Variants in LINGO2 observed in about 807,000 individuals in gnomAD.
LINGO2 encodes the protein leucine rich repeat and Ig domain containing 2.
A neutral mutation model predicts 30.6 loss-of-function variants in LINGO2; 14 were observed. The observed-to-expected ratio is 0.46, with a 90% confidence interval of 0.30 to 0.72. LINGO2 has a LOEUF of 0.72. Ranked by LOEUF, LINGO2 falls within the 30% of genes least tolerant of loss-of-function variation. LINGO2 has a pLI of 0.07. For synonymous variants in LINGO2, 317 were observed against 288.5 expected, an observed-to-expected ratio of 1.10 and a Z score of -1.00; for missense variants, 729 against 751.7, an observed-to-expected ratio of 0.97 and a Z score of 0.35.
At chr9:27,949,085 G>T in exon 6 of LINGO2, 2 of 1,614,130 alleles carry the variant, frequency 1.2e-6, no homozygotes, top group Non-Finnish European at 1.7e-6. Context: ...TATTGGCATT[G>T]GTGCCATTGG....
chr9:28,579,437 T>C (rs1456974608), intron 1 of LINGO2, among the ~76,000 whole-genome samples: 2 of 152,180 alleles, frequency 1.3e-5, no homozygotes, highest in Non-Finnish European at 2.9e-5. Flanking sequence ...CTGTCTATTA[T>C]ACTAAACTGT....
At chr9:28,305,635 C>T (rs1235678653) in intron 3 of LINGO2, among the ~76,000 whole-genome samples, 1 of 151,840 alleles carries the variant, frequency 6.6e-6, no homozygotes, top group Non-Finnish European at 1.5e-5. Flanking sequence ...AAATGAAATA[C>T]ATGGGGATGA....
the LINGO2 span, among the ~76,000 whole-genome samples, chr9:28,824,501 C>T: frequency 6.6e-6 from 1 of 152,122 alleles, no homozygotes; most frequent in African/African-American, 2.4e-5. Context: ...GCACATGCAT[C>T]ACTTCAAGAC....
At chr9:28,995,409 G>T in the LINGO2 span, among the ~76,000 whole-genome samples, 30 of 152,260 alleles carry the variant, frequency 2.0e-4, no homozygotes, top group South Asian at 4.1e-4. Flanking sequence ...GGAACACTTT[G>T]ACACTGCTGG....
chr9:28,716,067 A>C, the LINGO2 span, among the ~76,000 whole-genome samples: 3 of 151,934 alleles, frequency 2.0e-5, no homozygotes, highest in Non-Finnish European at 4.4e-5. Flanking sequence ...CCACATTATG[A>C]GTCTGGGAGC....
intron 3 of LINGO2, among the ~76,000 whole-genome samples, chr9:28,359,375 ATCT>A (rs1453830455): frequency 1.3e-5 from 2 of 152,078 alleles, no homozygotes; most frequent in East Asian, 1.9e-4. Flanking sequence ...ATTAACATCA[ATCT>A]TCTTCATTGC....
At chr9:29,192,421 T>G in the LINGO2 span, among the ~76,000 whole-genome samples, 1 of 152,184 alleles carries the variant, frequency 6.6e-6, no homozygotes, top group African/African-American at 2.4e-5. Flanking sequence ...CATTACCTTT[T>G]CACAATAATC....
At chr9:28,393,485 G>C (rs867883530) in intron 2 of LINGO2, among the ~76,000 whole-genome samples, 1 of 151,016 alleles carries the variant, frequency 6.6e-6, no homozygotes, top group Non-Finnish European at 1.5e-5. Flanking sequence ...GTGTTTTGCT[G>C]GTTGCCAAAT....
At chr9:28,419,005 A>G (rs1823081350) in intron 2 of LINGO2, among the ~76,000 whole-genome samples, 1 of 152,142 alleles carries the variant, frequency 6.6e-6, no homozygotes, top group Non-Finnish European at 1.5e-5. Flanking sequence ...TCTAATTTTG[A>G]TCAGTCCAGA....
chr9:28,226,480 G>A (rs1023178658), intron 4 of LINGO2, among the ~76,000 whole-genome samples: 18 of 151,834 alleles, frequency 1.2e-4, no homozygotes, highest in African/African-American at 4.4e-4. Context: ...TTACCAGGTA[G>A]AGTCTTTCTT....
chr9:28,177,895 A>T (rs1308281268), intron 4 of LINGO2, among the ~76,000 whole-genome samples: 2 of 152,176 alleles, frequency 1.3e-5, no homozygotes, highest in African/African-American at 2.4e-5. Context: ...ACGCTGCTGA[A>T]ATTTATTCTA....
chr9:28,627,742 A>T (rs1826747506), intron 1 of LINGO2, among the ~76,000 whole-genome samples: 1 of 151,996 alleles, frequency 6.6e-6, no homozygotes. Context: ...TTTTTTCAAA[A>T]TTGTCTATAA....
At chr9:28,694,509 T>C in the LINGO2 span, among the ~76,000 whole-genome samples, 2 of 152,026 alleles carry the variant, frequency 1.3e-5, no homozygotes, top group African/African-American at 4.8e-5. Context: ...ATAATACCTA[T>C]AGCAATCAGG....
At chr9:28,869,991 T>A in the LINGO2 span, among the ~76,000 whole-genome samples, 1 of 151,902 alleles carries the variant, frequency 6.6e-6, no homozygotes, top group African/African-American at 2.4e-5. Context: ...AATAAAAGTA[T>A]TAACAGTAAA....
chr9:28,423,214 A>C (rs1210216504), intron 2 of LINGO2, among the ~76,000 whole-genome samples: 2 of 152,140 alleles, frequency 1.3e-5, no homozygotes, highest in African/African-American at 4.8e-5. Context: ...ATTTTTTAAA[A>C]AGTTTCCTTT....
chr9:28,241,961 C>T (rs549606965), intron 4 of LINGO2, among the ~76,000 whole-genome samples: 1 of 152,052 alleles, frequency 6.6e-6, no homozygotes, highest in Admixed American at 6.5e-5. Flanking sequence ...AATCTTCATC[C>T]AAGGGTCAAC....
chr9:28,983,691 G>A, the LINGO2 span, among the ~76,000 whole-genome samples: 1 of 151,752 alleles, frequency 6.6e-6, no homozygotes, highest in Admixed American at 6.6e-5. Context: ...CATTTGATAG[G>A]GAGGGTAACG....
intron 4 of LINGO2, among the ~76,000 whole-genome samples, chr9:28,059,359 C>G (rs12340962): frequency 0.06 from 9,122 of 152,050 alleles, 500 homozygotes; most frequent in African/African-American, 0.15. Context: ...TGATGCCCCC[C>G]CACCCCACCG....
chr9:28,502,360 A>C (rs1425165536), intron 1 of LINGO2, among the ~76,000 whole-genome samples: 3 of 152,022 alleles, frequency 2.0e-5, no homozygotes, highest in African/African-American at 7.2e-5. Context: ...TGTCTGCCCA[A>C]ATAATCTCAT....
Sources: allele counts gnomAD v4.1 joint callset (sites outside exome capture counted in the v4.1 genomes callset), GRCh38; gene constraint gnomAD v4.1.1; transcripts MANE v1.5; gene names NCBI Gene and HGNC (gene_info 2026-07-23, HGNC 2026-07-21).